Variants in PTPN3 observed in about 807,000 individuals in gnomAD.
PTPN3 encodes tyrosine-protein phosphatase non-receptor type 3.
A neutral mutation model predicts 132.7 loss-of-function variants in PTPN3; 96 were observed. That is an observed-to-expected ratio of 0.72 (90% CI 0.61 to 0.86). The LOEUF (loss-of-function observed/expected upper bound fraction) is 0.86, where lower values mean the gene tolerates loss of function less well. PTPN3 is among the 40% of genes least tolerant of loss of function. The pLI, the probability that PTPN3 is intolerant of heterozygous loss-of-function variation, is 0.00. For synonymous variants in PTPN3, 398 were observed against 429.0 expected (o/e 0.93, Z 0.89); for missense variants, 1,125 against 1,159.6 (o/e 0.97, Z 0.43).
chr9:109,505,698 T>G, the PTPN3 span, among the ~76,000 whole-genome samples: 53,765 of 152,040 alleles, frequency 0.35, 10,089 homozygotes, highest in East Asian at 0.62. Flanking sequence ...ACTAATGGTC[T>G]TCTAGGTATT....
chr9:109,476,755 G>A (rs772170936), intron 1 of PTPN3, among the ~76,000 whole-genome samples: 2 of 152,202 alleles, frequency 1.3e-5, no homozygotes, highest in South Asian at 2.1e-4. Flanking sequence ...AATAACTATA[G>A]GGAGCAGAGA....
rs558968574 is a variant in PTPN3 at position 109,397,019 on chromosome 9, G to C, written c.1954-5458C>G. Among the ~76,000 whole-genome samples, 12 of 152,232 alleles carry C rather than the reference G, an allele frequency of 7.9e-5. No homozygotes were observed. In the East Asian group the frequency reaches 1.5e-3, roughly 20 times the overall value. Reference sequence around the variant, plus strand: ...CGTCAACTCTATGAACAGAAAAAGGGGAATTCCTGAAGGCTGAGAACCCAA... The same window carrying C: ...CGTCAACTCTATGAACAGAAAAAGGCGAATTCCTGAAGGCTGAGAACCCAA... On this transcript the variant is annotated intron_variant, in intron 19 of 25. Transcript: ENST00000374541.
At chr9:109,534,190 G>A in the PTPN3 span, 1 of 1,061,436 alleles carries the variant, frequency 9.4e-7, no homozygotes, top group Non-Finnish European at 1.4e-6. Context: ...CCCGCCGGCA[G>A]GTGCTGCTGA....
chr9:109,510,558 T>TAAAAAAA, the PTPN3 span, among the ~76,000 whole-genome samples: 47 of 74,134 alleles, frequency 6.3e-4, no homozygotes, highest in African/African-American at 2.2e-3. Context: ...AACTTTGTCT[T>TAAAAAAA]AAAAAAAAAA....
chr9:109,440,331 T>A (rs1360713418), intron 7 of PTPN3, among the ~76,000 whole-genome samples: 1 of 152,232 alleles, frequency 6.6e-6, no homozygotes, highest in East Asian at 1.9e-4. Context: ...TAAGCGCACA[T>A]GGTGCGTTCA....
chr9:109,494,361 G>A (rs1426228467), intron 1 of PTPN3, among the ~76,000 whole-genome samples: 1 of 152,128 alleles, frequency 6.6e-6, no homozygotes, highest in Admixed American at 6.5e-5. Context: ...TCCCAGGTGC[G>A]AGGTACAAGG....
the PTPN3 span, among the ~76,000 whole-genome samples, chr9:109,517,722 C>T: frequency 5.9e-5 from 9 of 152,340 alleles, no homozygotes; most frequent in South Asian, 1.9e-3. Flanking sequence ...GCCTCTGGTG[C>T]TGGCTGTTCT....
chr9:109,402,417 T>A (rs745587499), intron 19 of PTPN3, among the ~76,000 whole-genome samples: 1 of 152,138 alleles, frequency 6.6e-6, no homozygotes, highest in Non-Finnish European at 1.5e-5. Flanking sequence ...TAGCTAGGAT[T>A]ACAGGTGCCT....
intron 22 of PTPN3, among the ~76,000 whole-genome samples, chr9:109,387,103 G>T (rs1261252555): frequency 6.6e-6 from 1 of 152,192 alleles, no homozygotes; most frequent in East Asian, 1.9e-4. Context: ...GGTGAGCTCA[G>T]GGCGTGTACC....
chr9:109,439,131 G>T (rs535870731), intron 7 of PTPN3, among the ~76,000 whole-genome samples: 1 of 152,280 alleles, frequency 6.6e-6, no homozygotes, highest in African/African-American at 2.4e-5. Context: ...GTCCATGGCT[G>T]CCTCAAGGAC....
chr9:109,423,573 T>C (rs1843031697), intron 12 of PTPN3, among the ~76,000 whole-genome samples: 1 of 152,060 alleles, frequency 6.6e-6, no homozygotes. Flanking sequence ...ACCACTGCAC[T>C]CCAGTCTGGG....
chr9:109,399,722 A>C (rs1840909033), intron 19 of PTPN3, among the ~76,000 whole-genome samples: 1 of 151,432 alleles, frequency 6.6e-6, no homozygotes, highest in South Asian at 2.1e-4. Flanking sequence ...GAAGGGAATT[A>C]AGGCTACCCC....
chr9:109,429,191 C>T, intron 10 of PTPN3: 1 of 350,946 alleles, frequency 2.8e-6, no homozygotes, highest in Non-Finnish European at 4.0e-6. Flanking sequence ...ATAAACATCC[C>T]CTCAACGAAG....
chr9:109,456,581 T>C (rs1056884288), intron 4 of PTPN3, among the ~76,000 whole-genome samples: 1 of 152,006 alleles, frequency 6.6e-6, no homozygotes, highest in Non-Finnish European at 1.5e-5. Context: ...ATGAGTGGCA[T>C]AAAGGGGAAC....
At chr9:109,479,085 GT>G (rs1316325433) in intron 1 of PTPN3, among the ~76,000 whole-genome samples, 2 of 150,548 alleles carry the variant, frequency 1.3e-5, no homozygotes, top group African/African-American at 2.5e-5. Flanking sequence ...GTACAATTCA[GT>G]GGCTTTAATT....
intron 5 of PTPN3, chr9:109,449,471 G>A (rs1448186375): frequency 3.0e-6 from 3 of 985,356 alleles, no homozygotes; most frequent in Non-Finnish European, 2.4e-6. Flanking sequence ...TCATCTCTGG[G>A]CAACCAGCAA....
At chr9:109,433,296 C>CA in intron 9 of PTPN3, 135 bp from the exon 10 acceptor site, 1 of 1,348,572 alleles carries the variant, frequency 7.4e-7, no homozygotes, top group African/African-American at 1.5e-5. Flanking sequence ...TGAAAACAGG[C>CA]AAAAAGCCCC....
rs1838681111 is a variant in PTPN3, at chr9:109,377,514, GAGGATTGCTTGAGCCC to G, written c.*2026_*2041del. ...CCGGCTACTCAGGAGGCTGAGGTGCGAGGATTGCTTGAGCCCAGGAATTTGAGGCTGCAGTGAACAA... is the reference window on the plus strand; with the variant it reads ...CCGGCTACTCAGGAGGCTGAGGTGCGAGGAATTTGAGGCTGCAGTGAACAA... On this transcript the variant is annotated 3_prime_UTR_variant, in exon 26 of 26. Coordinates refer to ENST00000374541, the MANE Select transcript of PTPN3 (RefSeq NM_002829.4). 1 of 152,290 alleles carries G rather than the reference GAGGATTGCTTGAGCCC, an allele frequency of 6.6e-6. No homozygotes were observed. The highest frequency in any genetic ancestry group is 1.5e-5 in the Non-Finnish European group (1 of 68,432). The allele number at this position is 152,290 out of a possible 1,614,324, so 9.4% of individuals were successfully genotyped here. A position where few individuals can be genotyped will look rare whatever the true frequency, so the allele number is the denominator to read the frequency against.
At chr9:109,516,583 C>T in the PTPN3 span, among the ~76,000 whole-genome samples, 1 of 152,090 alleles carries the variant, frequency 6.6e-6, no homozygotes, top group Non-Finnish European at 1.5e-5. Flanking sequence ...TCAGGCATAG[C>T]CAGGTGTACA....
Sources: gnomAD v4.1 joint callset for allele counts (sites outside exome capture counted in the v4.1 genomes callset) on GRCh38, gnomAD v4.1.1 for gene constraint, MANE v1.5 for transcripts, NCBI Gene and HGNC (gene_info 2026-07-23, HGNC 2026-07-21) for gene names.